Variants in MYO1E observed in about 807,000 individuals in gnomAD.
MYO1E encodes the protein myosin IE, also known as unconventional myosin-Ie.
A neutral mutation model predicts 151.1 loss-of-function variants in MYO1E; 68 were observed. That is an observed-to-expected ratio of 0.45 (90% confidence interval 0.37 to 0.55). The LOEUF (loss-of-function observed/expected upper bound fraction) is 0.55, where lower values mean the gene tolerates loss of function less well. Ranked by LOEUF, MYO1E falls within the 20% of genes least tolerant of loss-of-function variation. The pLI, the probability that MYO1E is intolerant of heterozygous loss-of-function variation, is 0.00. For synonymous variants in MYO1E, 601 were observed against 501.7 expected, an observed-to-expected ratio of 1.20 and a Z score of -2.64; for missense variants, 1,363 against 1,389.3, an observed-to-expected ratio of 0.98 and a Z score of 0.30.
intron 25 of MYO1E, among the ~76,000 whole-genome samples, chr15:59,156,373 C>G (rs1466342178): frequency 2.6e-5 from 4 of 152,194 alleles, no homozygotes; most frequent in Admixed American, 2.0e-4. Flanking sequence ...TTAGTAGAGA[C>G]AGGGTTTTGT....
At chr15:59,220,548 T>C (rs139331375) in intron 9 of MYO1E, among the ~76,000 whole-genome samples, 44 of 152,318 alleles carry the variant, frequency 2.9e-4, no homozygotes, top group African/African-American at 9.9e-4. Flanking sequence ...TACCATTTTT[T>C]TCCATTTTTT....
At chr15:59,231,091 T>G (rs2080024887) in intron 6 of MYO1E, among the ~76,000 whole-genome samples, 1 of 152,220 alleles carries the variant, frequency 6.6e-6, no homozygotes, top group Non-Finnish European at 1.5e-5. Context: ...ACATTTTCAT[T>G]ACCAGTTAGG....
At position 59,272,377 on chromosome 15, in the gene MYO1E, G is replaced by C; in HGVS notation, c.76C>G (p.Leu26Val). The C allele has an allele frequency of 6.2e-7, 1 of 1,613,950 alleles. No homozygotes were observed. The highest frequency in any genetic ancestry group is 1.1e-5 in the South Asian group (1 of 91,070). ...VKHSGVDDMV[L>V]LSKITENSIV... The stretch of plus-strand genomic sequence containing the variant: ...GAGTTCTCTGTGATCTTGGACAGTA[G>C]CACCATGTCGTCCACACCACTGTGC... Residue 26 changes from leucine (L) to valine (V), a missense_variant, in exon 2 of 28, where the codon CTA becomes GTA. Coordinates refer to ENST00000288235, the MANE Select transcript of MYO1E (RefSeq NM_004998.4).
At chr15:59,282,594 C>T (rs1476068067) in intron 1 of MYO1E, among the ~76,000 whole-genome samples, 2 of 151,728 alleles carry the variant, frequency 1.3e-5, no homozygotes, top group Non-Finnish European at 2.9e-5. Flanking sequence ...GCCTATAATC[C>T]CAGCACTTTG....
intron 1 of MYO1E, among the ~76,000 whole-genome samples, chr15:59,275,537 G>C (rs1340673138): frequency 2.0e-5 from 3 of 151,942 alleles, no homozygotes; most frequent in African/African-American, 7.3e-5. Flanking sequence ...CTATTTTACT[G>C]CTGAAAAAAC....
chr15:59,233,447 T>C (rs2080040689), intron 5 of MYO1E, among the ~76,000 whole-genome samples: 2 of 151,918 alleles, frequency 1.3e-5, no homozygotes, highest in Admixed American at 6.6e-5. Context: ...GGGCGGATCA[T>C]GAGGTCAACA....
chr15:59,342,491 C>A (rs1580427), intron 1 of MYO1E, among the ~76,000 whole-genome samples: 150,530 of 152,348 alleles, frequency 0.99, 74,396 homozygotes, highest in East Asian at 1. Flanking sequence ...TTAGGTCATT[C>A]ATCCATTTTC....
intron 1 of MYO1E, among the ~76,000 whole-genome samples, chr15:59,297,094 C>T (rs1308130323): frequency 6.8e-6 from 1 of 146,914 alleles, no homozygotes; most frequent in Admixed American, 6.9e-5. Context: ...CCTCATGATC[C>T]ACTCGCCTCG....
intron 22 of MYO1E, among the ~76,000 whole-genome samples, chr15:59,170,324 C>A (rs905368587): frequency 1.3e-5 from 2 of 152,224 alleles, no homozygotes; most frequent in African/African-American, 4.8e-5. Flanking sequence ...CGACTACACA[C>A]ACCCTAGAGC....
intron 15 of MYO1E, among the ~76,000 whole-genome samples, chr15:59,203,709 C>A (rs1186922385): frequency 6.6e-6 from 1 of 152,190 alleles, no homozygotes; most frequent in Non-Finnish European, 1.5e-5. Context: ...ATTTGAGCTG[C>A]ATGTGTTTAT....
Position 59,163,024 on chromosome 15 carries a change from G to A in MYO1E, c.2627+133C>T, listed in dbSNP as rs527821618. 16 of 985,380 alleles carry A rather than the reference G, an allele frequency of 1.6e-5. 1 individual carries two copies. The South Asian group carries it at 1.7e-4, about 10-fold the overall frequency. 61.0% of individuals were successfully genotyped at this position (985,380 alleles called of 1,614,324 possible). On this transcript the variant is annotated intron_variant, in intron 23 of 27. Transcript: ENST00000288235. ...CCAGACTGTCTTCTGCAGGCTCTAAGGTTCCACTGGGGCCAGCCAGACCCC... is the reference window on the plus strand; with the variant it reads ...CCAGACTGTCTTCTGCAGGCTCTAAAGTTCCACTGGGGCCAGCCAGACCCC...
chr15:59,164,679 G>T (rs559584110), intron 22 of MYO1E, among the ~76,000 whole-genome samples: 1 of 152,330 alleles, frequency 6.6e-6, no homozygotes, highest in African/African-American at 2.4e-5. Context: ...CCCATTCACA[G>T]GTCAAGGTAG....
chr15:59,305,163 A>C (rs2080507367), intron 1 of MYO1E, among the ~76,000 whole-genome samples: 1 of 152,192 alleles, frequency 6.6e-6, no homozygotes, highest in Non-Finnish European at 1.5e-5. Context: ...ATCTAGCAGA[A>C]TGTCAAAGAA....
chr15:59,265,859 T>G (rs192315875), intron 2 of MYO1E, among the ~76,000 whole-genome samples: 2 of 150,272 alleles, frequency 1.3e-5, no homozygotes, highest in Non-Finnish European at 3.0e-5. Flanking sequence ...CCCAGCTACT[T>G]GGGAGGCTGA....
At chr15:59,180,191 G>C (rs1450550397) in intron 18 of MYO1E, among the ~76,000 whole-genome samples, 1 of 152,194 alleles carries the variant, frequency 6.6e-6, no homozygotes, top group Non-Finnish European at 1.5e-5. Context: ...AAAATGCCTA[G>C]TGGAAGTCAC....
At chr15:59,182,934 C>T (rs1360075530) in intron 18 of MYO1E, among the ~76,000 whole-genome samples, 1 of 152,196 alleles carries the variant, frequency 6.6e-6, no homozygotes, top group Non-Finnish European at 1.5e-5. Flanking sequence ...GGTCATCAGG[C>T]ATTAGATTCT....
Position 59,135,550 on chromosome 15 carries a change from T to C in MYO1E, c.*1830A>G, listed in dbSNP as rs990093688. The stretch of plus-strand genomic sequence containing the variant: ...TACCTTTCCTCAACTCACCGCATCA[T>C]GGCTCTACTTTCCTCTCTGGTCGCA... On this transcript the variant is annotated 3_prime_UTR_variant, in exon 28 of 28. Transcript: ENST00000288235. 3.3e-5 allele frequency: 5 copies of C among 152,248 alleles called. No individual in the cohort carries two copies. The highest frequency in any genetic ancestry group is 5.9e-5 in the Non-Finnish European group (4 of 68,056). 9.4% of individuals were successfully genotyped at this position (152,248 alleles called of 1,614,324 possible).
At chr15:59,230,109 T>C (rs1463194800) in intron 6 of MYO1E, among the ~76,000 whole-genome samples, 1 of 152,178 alleles carries the variant, frequency 6.6e-6, no homozygotes, top group Non-Finnish European at 1.5e-5. Context: ...TTCTCGATTA[T>C]TATCAATCAA....
chr15:59,324,390 G>T (rs928741478), intron 1 of MYO1E, among the ~76,000 whole-genome samples: 2 of 152,236 alleles, frequency 1.3e-5, no homozygotes. Context: ...ACAAGTCTGT[G>T]GAGAGCCTTG....
Sources: allele counts gnomAD v4.1 joint callset (sites outside exome capture counted in the v4.1 genomes callset), GRCh38; gene constraint gnomAD v4.1.1; transcripts MANE v1.5; gene names NCBI Gene and HGNC (gene_info 2026-07-23, HGNC 2026-07-21).